Variants in NEK11 observed in about 807,000 individuals in gnomAD.
The protein encoded by NEK11 is NIMA related kinase 11, also known as serine/threonine-protein kinase Nek11.
A neutral mutation model predicts 80.7 loss-of-function variants in NEK11; 72 were observed. The ratio of observed to expected loss-of-function variants is 0.89; its 90% CI spans 0.74 to 1.08. NEK11 has a LOEUF of 1.08. Among genes scored for constraint, NEK11 ranks in the 50% least tolerant of loss-of-function variants. NEK11 has a pLI of 0.00. For synonymous variants in NEK11, 251 were observed against 260.7 expected (o/e 0.96, Z 0.36); for missense variants, 764 against 763.6 (o/e 1.00, Z -0.01).
intron 3 of NEK11, among the ~76,000 whole-genome samples, chr3:131,039,159 T>C (rs1408358230): frequency 6.6e-6 from 1 of 151,622 alleles, no homozygotes; most frequent in African/African-American, 2.4e-5. Flanking sequence ...ATTTGATGGG[T>C]GTAGTCTACC....
chr3:131,079,108 A>G (rs1453199233), intron 3 of NEK11, among the ~76,000 whole-genome samples: 1 of 152,154 alleles, frequency 6.6e-6, no homozygotes, highest in South Asian at 2.1e-4. Context: ...CCTAGCAGAG[A>G]TAACTTTCAC....
chr3:131,170,577 G>T (rs995144365), intron 13 of NEK11, among the ~76,000 whole-genome samples, 196 bp from the exon 14 acceptor site: 1 of 152,156 alleles, frequency 6.6e-6, no homozygotes, highest in Non-Finnish European at 1.5e-5. Flanking sequence ...AATGCTTTGT[G>T]CAAGGTCACC....
At chr3:131,246,204 C>T (rs1281673724) in intron 16 of NEK11, among the ~76,000 whole-genome samples, 1 of 152,166 alleles carries the variant, frequency 6.6e-6, no homozygotes, top group Admixed American at 6.5e-5. Context: ...GCACCCATCA[C>T]CCTAGCAGTG....
At chr3:131,133,672 G>A (rs908209269) in intron 6 of NEK11, among the ~76,000 whole-genome samples, 158 bp from the exon 7 acceptor site, 4 of 152,128 alleles carry the variant, frequency 2.6e-5, no homozygotes, top group African/African-American at 7.2e-5. Context: ...ATTTACCAGC[G>A]TTGTATAATT....
intron 17 of NEK11, among the ~76,000 whole-genome samples, chr3:131,303,015 T>A (rs1176551333): frequency 1.3e-5 from 2 of 152,182 alleles, no homozygotes; most frequent in African/African-American, 4.8e-5. Flanking sequence ...GGTGCTTCTG[T>A]GTTGGGTGCA....
At chr3:131,176,931 T>C (rs552749403) in intron 14 of NEK11, among the ~76,000 whole-genome samples, 1 of 152,302 alleles carries the variant, frequency 6.6e-6, no homozygotes, top group East Asian at 1.9e-4. Context: ...GTGGCCTTGC[T>C]TGGGTCATCA....
chr3:131,146,148 A>C (rs2088194834), intron 7 of NEK11, among the ~76,000 whole-genome samples: 1 of 152,002 alleles, frequency 6.6e-6, no homozygotes, highest in Non-Finnish European at 1.5e-5. Context: ...TCTTGTCCTC[A>C]AGGAGACCCT....
At chr3:131,234,245 A>C (rs1426901221) in intron 15 of NEK11, among the ~76,000 whole-genome samples, 1 of 152,218 alleles carries the variant, frequency 6.6e-6, no homozygotes, top group Non-Finnish European at 1.5e-5. Flanking sequence ...TGGGATACAG[A>C]TTTATCTCCT....
chr3:131,097,321 C>A (rs1158511139), intron 4 of NEK11, among the ~76,000 whole-genome samples: 1 of 151,772 alleles, frequency 6.6e-6, no homozygotes, highest in African/African-American at 2.4e-5. Flanking sequence ...CTGACTTCCA[C>A]AATGGTTGAA....
At chr3:131,138,268 T>C (rs1424417249) in intron 7 of NEK11, among the ~76,000 whole-genome samples, 2 of 152,146 alleles carry the variant, frequency 1.3e-5, no homozygotes, top group Non-Finnish European at 2.9e-5. Context: ...AGTGGTAGCC[T>C]GGGAATGTTC....
chr3:131,280,590 C>G (rs1401170020), intron 17 of NEK11, among the ~76,000 whole-genome samples: 1 of 152,134 alleles, frequency 6.6e-6, no homozygotes, highest in Non-Finnish European at 1.5e-5. Context: ...GTTTTCATCT[C>G]TAGAAGTTTG....
chr3:131,241,496 T>C (rs1207628337), intron 15 of NEK11, among the ~76,000 whole-genome samples: 2 of 152,054 alleles, frequency 1.3e-5, no homozygotes, highest in African/African-American at 4.8e-5. Context: ...ACATTTTCTG[T>C]TTGGAAACAG....
intron 17 of NEK11, among the ~76,000 whole-genome samples, chr3:131,306,174 T>C (rs975554279): frequency 6.6e-6 from 1 of 152,210 alleles, no homozygotes; most frequent in Non-Finnish European, 1.5e-5. Flanking sequence ...ATCATAGTTG[T>C]TTTAAATTCC....
At chr3:131,328,911 A>C (rs952587740) in intron 17 of NEK11, 2 of 152,176 alleles carry the variant, frequency 1.3e-5, no homozygotes, top group African/African-American at 4.8e-5. Flanking sequence ...CAAGGAGTTG[A>C]GGGACTCTGG....
At chr3:131,133,104 T>C (rs1387162706) in intron 6 of NEK11, 1 of 350,216 alleles carries the variant, frequency 2.9e-6, no homozygotes, top group Non-Finnish European at 5.3e-6. Context: ...CCCTGTTTCA[T>C]GCCAGGCACT....
rs548291880 is a variant in NEK11, at chr3:131,042,648, C to T, written c.170+12770C>T. 2.0e-5 allele frequency among the ~76,000 whole-genome samples: 3 copies of T among 152,308 alleles called. No homozygotes were observed. The South Asian group carries it at 6.2e-4, about 32-fold the overall frequency. On this transcript the variant is annotated intron_variant, in intron 3 of 17. Coordinates refer to ENST00000383366, the MANE Select transcript of NEK11 (RefSeq NM_024800.5). Reference sequence around the variant, plus strand: ...AGATAAAACTCCCATCTCCCTGGGACAGAGCACCTGGGGGAAGGGGCGGCT... The same window carrying T: ...AGATAAAACTCCCATCTCCCTGGGATAGAGCACCTGGGGGAAGGGGCGGCT...
chr3:131,162,113 A>G (rs940059697), intron 10 of NEK11, among the ~76,000 whole-genome samples: 1 of 152,236 alleles, frequency 6.6e-6, no homozygotes, highest in Non-Finnish European at 1.5e-5. Flanking sequence ...TTACTCTTTA[A>G]TGGCCAAGAT....
At chr3:131,115,942 CTT>C (rs770703043) in intron 5 of NEK11, among the ~76,000 whole-genome samples, 1 of 117,876 alleles carries the variant, frequency 8.5e-6, no homozygotes, top group Non-Finnish European at 1.9e-5. Context: ...TTCTTTCTTT[CTT>C]TCTTTCTTTC....
At chr3:131,121,525 A>G (rs2082373302) in intron 5 of NEK11, among the ~76,000 whole-genome samples, 1 of 152,154 alleles carries the variant, frequency 6.6e-6, no homozygotes, top group Admixed American at 6.5e-5. Context: ...TCAGACAGGG[A>G]CGTTTAAGTC....
Sources: gnomAD v4.1 joint callset for allele counts (sites outside exome capture counted in the v4.1 genomes callset) on GRCh38, gnomAD v4.1.1 for gene constraint, MANE v1.5 for transcripts, NCBI Gene and HGNC (gene_info 2026-07-23, HGNC 2026-07-21) for gene names.